Variants in SIPA1L2 observed in about 807,000 individuals in gnomAD.
SIPA1L2 encodes signal-induced proliferation-associated 1-like protein 2.
Under a neutral mutation model 163.9 loss-of-function variants are expected in SIPA1L2, and 56 were observed. That is an observed-to-expected ratio of 0.34 (90% CI 0.28 to 0.43). The LOEUF is 0.43. Ranked by LOEUF, SIPA1L2 falls within the 20% of genes least tolerant of loss-of-function variation. The probability of loss-of-function intolerance (pLI) is 1.00; values close to 1 mark genes in which losing one functional copy is unlikely to be tolerated. For missense variants in SIPA1L2, 1,974 were observed against 2,193.5 expected, an observed-to-expected ratio of 0.90 and a Z score of 2.00; for synonymous variants, 877 against 865.7, an observed-to-expected ratio of 1.01 and a Z score of -0.23.
At chr1:232,621,719 T>C (rs950511814) in intron 1 of SIPA1L2, among the ~76,000 whole-genome samples, 1 of 151,216 alleles carries the variant, frequency 6.6e-6, no homozygotes, top group Admixed American at 6.6e-5. Context: ...CCTTCACTTA[T>C]TCTTGTCATT....
At position 232,439,186 on chromosome 1, in the gene SIPA1L2, C is replaced by A. The variant is rs750516591; in HGVS notation, c.3953G>T (p.Gly1318Val). Reference protein sequence around the residue: ...DEPAKLYSVHGYASTISAGSA... With the variant: ...DEPAKLYSVHVYASTISAGSA... ...GCCGGCGGAGATGGTGGACGCGTAG[C>A]CATGCACAGAATATAACTTGGCTGG... Residue 1318 changes from glycine (G) to valine (V), a missense_variant, in exon 15 of 23, where the codon GGC becomes GTC. Coordinates refer to ENST00000674635, the MANE Select transcript of SIPA1L2 (RefSeq NM_020808.5). The A allele has an allele frequency of 1.2e-6, 2 of 1,613,744 alleles. No individual in the cohort carries two copies. Among genetic ancestry groups the A allele is most frequent in the South Asian group, 1.1e-5 (1 of 91,092 alleles).
chr1:232,612,088 C>T (rs1396343370), intron 1 of SIPA1L2, among the ~76,000 whole-genome samples: 1 of 151,814 alleles, frequency 6.6e-6, no homozygotes, highest in East Asian at 1.9e-4. Flanking sequence ...AGCCTCAAGC[C>T]TTGGCAGCTT....
chr1:232,527,704 C>A (rs545121255), intron 2 of SIPA1L2, among the ~76,000 whole-genome samples: 1 of 147,790 alleles, frequency 6.8e-6, no homozygotes, highest in Admixed American at 6.8e-5. Context: ...CCAAAAACCC[C>A]ATTTAATTCT....
chr1:232,490,819 T>C (rs1450852559), intron 5 of SIPA1L2, 55 bp downstream of exon 5: 2 of 1,527,322 alleles, frequency 1.3e-6, no homozygotes, highest in Non-Finnish European at 1.8e-6. Context: ...ACTCCAAAAC[T>C]TTCAGAAACA....
chr1:232,574,845 G>C (rs949480110), intron 1 of SIPA1L2, among the ~76,000 whole-genome samples: 1 of 152,082 alleles, frequency 6.6e-6, no homozygotes, highest in Non-Finnish European at 1.5e-5. Flanking sequence ...GCAGTGCTAC[G>C]TACTAGACAC....
At chr1:232,559,194 T>C (rs1658895378) in intron 2 of SIPA1L2, among the ~76,000 whole-genome samples, 1 of 152,158 alleles carries the variant, frequency 6.6e-6, no homozygotes, top group African/African-American at 2.4e-5. Flanking sequence ...GTAGCAGGGA[T>C]TATCCTAGAA....
intron 10 of SIPA1L2, among the ~76,000 whole-genome samples, chr1:232,451,781 T>C (rs759003993): frequency 1.7e-4 from 26 of 152,080 alleles, no homozygotes; most frequent in Non-Finnish European, 3.5e-4. Context: ...TGTAGGCATA[T>C]TGATTTCCTC....
intron 5 of SIPA1L2, among the ~76,000 whole-genome samples, chr1:232,488,940 G>A (rs990356194): frequency 5.3e-5 from 8 of 152,186 alleles, no homozygotes; most frequent in Admixed American, 4.6e-4. Context: ...GCCTAAAATA[G>A]GCTGATGAGG....
At chr1:232,483,450 T>C (rs939019957) in intron 6 of SIPA1L2, among the ~76,000 whole-genome samples, 1 of 152,164 alleles carries the variant, frequency 6.6e-6, no homozygotes, top group African/African-American at 2.4e-5. Flanking sequence ...ATAAATGCAG[T>C]GCTTGTCCTT....
At chr1:232,451,845 T>C (rs1663598334) in intron 10 of SIPA1L2, among the ~76,000 whole-genome samples, 2 of 152,028 alleles carry the variant, frequency 1.3e-5, no homozygotes, top group African/African-American at 4.8e-5. Flanking sequence ...ATTACCATGC[T>C]ACATAGGGAT....
At chr1:232,434,574 G>C (rs993182950) in intron 15 of SIPA1L2, among the ~76,000 whole-genome samples, 1 of 152,112 alleles carries the variant, frequency 6.6e-6, no homozygotes, top group Non-Finnish European at 1.5e-5. Context: ...GTGACCTGAG[G>C]AGTAAGGCAA....
chr1:232,479,110 AG>A, intron 7 of SIPA1L2, among the ~76,000 whole-genome samples: 1 of 152,360 alleles, frequency 6.6e-6, no homozygotes, highest in Non-Finnish European at 1.5e-5. Flanking sequence ...AAGTTTTCAA[AG>A]GTTCTTAATT....
intron 2 of SIPA1L2, among the ~76,000 whole-genome samples, chr1:232,522,129 T>C (rs1202235439): frequency 6.6e-6 from 1 of 152,182 alleles, no homozygotes; most frequent in African/African-American, 2.4e-5. Flanking sequence ...TTTCTTCATC[T>C]TGACTGCCAC....
chr1:232,568,622 G>A (rs1659537883), intron 2 of SIPA1L2, among the ~76,000 whole-genome samples: 1 of 152,330 alleles, frequency 6.6e-6, no homozygotes, highest in Admixed American at 6.5e-5. Flanking sequence ...AAGAGGACAT[G>A]GAGTGGACCA....
At chr1:232,405,716 T>C (rs1660596051) in intron 19 of SIPA1L2, among the ~76,000 whole-genome samples, 1 of 152,232 alleles carries the variant, frequency 6.6e-6, no homozygotes, top group Non-Finnish European at 1.5e-5. Flanking sequence ...AGAAAATGGA[T>C]AAAAATTTGT....
intron 6 of SIPA1L2, among the ~76,000 whole-genome samples, chr1:232,483,120 A>AT (rs1665448484): frequency 1.3e-5 from 2 of 152,016 alleles, no homozygotes; most frequent in Non-Finnish European, 2.9e-5. Flanking sequence ...GATATTAGAC[A>AT]AATTCATGCA....
At chr1:232,497,649 T>C (rs1666265894) in intron 3 of SIPA1L2, among the ~76,000 whole-genome samples, 1 of 152,198 alleles carries the variant, frequency 6.6e-6, no homozygotes, top group African/African-American at 2.4e-5. Context: ...ACTCACTTCT[T>C]GGCTGGGGCC....
chr1:232,520,104 A>C (rs2103057803), intron 2 of SIPA1L2, among the ~76,000 whole-genome samples: 1 of 152,332 alleles, frequency 6.6e-6, no homozygotes, highest in African/African-American at 2.4e-5. Context: ...CGAATGATCT[A>C]ATTAAAACAG....
intron 3 of SIPA1L2, among the ~76,000 whole-genome samples, chr1:232,506,270 C>G (rs1572998828): frequency 6.6e-6 from 1 of 152,158 alleles, no homozygotes; most frequent in Non-Finnish European, 1.5e-5. Flanking sequence ...CCCTGGGAAG[C>G]AGGGGGGCAT....
Sources: allele counts gnomAD v4.1 joint callset (sites outside exome capture counted in the v4.1 genomes callset), GRCh38; gene constraint gnomAD v4.1.1; transcripts MANE v1.5; gene names NCBI Gene and HGNC (gene_info 2026-07-23, HGNC 2026-07-21).